The following RTN4RL1 variants were observed in gnomAD, a reference collection of about 807,000 sequenced individuals.
RTN4RL1 encodes the protein reticulon-4 receptor-like 1.
In RTN4RL1, 7 loss-of-function variants were observed where a neutral mutation model predicts 25.6. The observed-to-expected ratio is 0.27, with a 90% CI of 0.16 to 0.51. RTN4RL1 has a LOEUF of 0.51. Among genes scored for constraint, RTN4RL1 ranks in the 20% least tolerant of loss-of-function variants. RTN4RL1 has a pLI of 0.97. For missense variants in RTN4RL1, 500 were observed against 615.6 expected, an observed-to-expected ratio of 0.81 and a Z score of 1.99; for synonymous variants, 297 against 288.2, an observed-to-expected ratio of 1.03 and a Z score of -0.31.
Position 2,000,271 on chromosome 17 carries a change from G to C in RTN4RL1, c.13+24582C>G, listed in dbSNP as rs112945132. On this transcript the variant is annotated intron_variant, in intron 1 of 1. Coordinates refer to ENST00000331238, the MANE Select transcript of RTN4RL1 (RefSeq NM_178568.4). ...AGGATATTGGGTGCCTTGTTAGGAA[G>C]CAGGATGGGGCAGAGGAAGGAATGT... 4.1e-3 allele frequency among the ~76,000 whole-genome samples: 627 copies of C among 152,368 alleles called. 4 individuals are homozygous for C. The highest frequency in any genetic ancestry group is 0.014 in the African/African-American group (595 of 41,590).
chr17:1,986,269 G>A (rs1349790126), intron 1 of RTN4RL1, among the ~76,000 whole-genome samples: 2 of 152,052 alleles, frequency 1.3e-5, no homozygotes, highest in Non-Finnish European at 2.9e-5. Context: ...ATGACCACCC[G>A]ATGAAGTAGG....
At position 1,998,624 on chromosome 17, in the gene RTN4RL1, GCCT is replaced by G. The variant is rs994558440; in HGVS notation, c.13+26226_13+26228del. On this transcript the variant is annotated intron_variant, in intron 1 of 1. Transcript: ENST00000331238. The surrounding 1 kb of genome is among the most constrained non-coding windows in gnomAD (Gnocchi z 4.9). ...AGGGTGGGGGACGTGGGGCCGGCTC[GCCT>G]CCTCCTGGGCTCGCCGGGATGTGGC... Among the ~76,000 whole-genome samples, 4 of 152,042 alleles carry G rather than the reference GCCT, an allele frequency of 2.6e-5. No individual in the cohort carries two copies. The highest frequency in any genetic ancestry group is 4.4e-5 in the Non-Finnish European group (3 of 67,964).
chr17:1,968,358 C>T (rs758084922), intron 1 of RTN4RL1, among the ~76,000 whole-genome samples: 6 of 152,146 alleles, frequency 3.9e-5, no homozygotes, highest in Non-Finnish European at 5.9e-5. Flanking sequence ...CCCCTTGAGT[C>T]GGGTTCACCA....
At chr17:1,985,202 G>T (rs2066882785) in intron 1 of RTN4RL1, among the ~76,000 whole-genome samples, 2 of 152,206 alleles carry the variant, frequency 1.3e-5, no homozygotes, top group Admixed American at 1.3e-4. Context: ...GGGCCTGCTG[G>T]ACTCCACAAG....
At position 1,936,369 on chromosome 17, in the gene RTN4RL1, A is replaced by T. The variant is rs907558752; in HGVS notation, c.*127T>A. On this transcript the variant is annotated 3_prime_UTR_variant, in exon 2 of 2. Transcript: ENST00000331238. Reference sequence around the variant, plus strand: ...CATGGCAGGGTCCAGACGTCCAGACAGCAGCCGAAGGCTCTACCAGCCTTT... The same window carrying T: ...CATGGCAGGGTCCAGACGTCCAGACTGCAGCCGAAGGCTCTACCAGCCTTT... The T allele has an allele frequency of 1.0e-5, 15 of 1,442,654 alleles. No individual in the cohort carries two copies. Among genetic ancestry groups the T allele is most frequent in the African/African-American group, 1.4e-5 (1 of 69,894 alleles). 89.4% of individuals were successfully genotyped at this position (1,442,654 alleles called of 1,614,324 possible).
At chr17:1,966,569 G>A (rs569850090) in intron 1 of RTN4RL1, among the ~76,000 whole-genome samples, 2 of 152,080 alleles carry the variant, frequency 1.3e-5, no homozygotes, top group African/African-American at 4.8e-5. Flanking sequence ...CGTGCTCCTA[G>A]CCTAGGAGAG....
intron 1 of RTN4RL1, among the ~76,000 whole-genome samples, chr17:1,986,704 A>G (rs2066888903): frequency 2.0e-5 from 3 of 151,706 alleles, no homozygotes; most frequent in Admixed American, 2.0e-4. Context: ...GTGAGAGAAT[A>G]AATTTCTCTG....
At chr17:2,022,152 T>C (rs1597262540) in intron 1 of RTN4RL1, among the ~76,000 whole-genome samples, 1 of 151,610 alleles carries the variant, frequency 6.6e-6, no homozygotes. Flanking sequence ...CCATCTCTAC[T>C]AAAAATACAA....
chr17:2,002,977 A>T (rs1260650886), intron 1 of RTN4RL1: 1 of 152,256 alleles, frequency 6.6e-6, no homozygotes, highest in Admixed American at 6.6e-5. Context: ...CTCTCAGGAC[A>T]AACCCTCCAC....
chr17:1,988,403 CA>C (rs398030159), intron 1 of RTN4RL1, among the ~76,000 whole-genome samples: 2,768 of 77,172 alleles, frequency 0.036, 77 homozygotes, highest in African/African-American at 0.13. Flanking sequence ...GACTCCGCCT[CA>C]AAAAAAAAAA....
intron 1 of RTN4RL1, among the ~76,000 whole-genome samples, chr17:1,948,595 G>A (rs988324000): frequency 9.2e-5 from 14 of 152,086 alleles, no homozygotes; most frequent in African/African-American, 1.9e-4. Context: ...ACAGGCGGAC[G>A]GGCAGACACA....
At chr17:2,012,156 A>G (rs1275873439) in intron 1 of RTN4RL1, among the ~76,000 whole-genome samples, 1 of 152,256 alleles carries the variant, frequency 6.6e-6, no homozygotes, top group African/African-American at 2.4e-5. Flanking sequence ...GAGAGTGTCC[A>G]TGAGAGGTTT....
intron 1 of RTN4RL1, among the ~76,000 whole-genome samples, chr17:1,961,417 C>T (rs1295997285): frequency 2.0e-5 from 3 of 152,190 alleles, no homozygotes; most frequent in Non-Finnish European, 4.4e-5. Context: ...CGGTAGGAGT[C>T]ACGTGACGGC....
intron 1 of RTN4RL1, among the ~76,000 whole-genome samples, chr17:1,999,502 G>T (rs1056586264): frequency 2.0e-5 from 3 of 151,658 alleles, no homozygotes; most frequent in Admixed American, 1.3e-4. Context: ...CCCTATCCAC[G>T]TATGTGCACA....
chr17:1,951,581 G>C (rs1915681280), intron 1 of RTN4RL1, among the ~76,000 whole-genome samples: 1 of 152,020 alleles, frequency 6.6e-6, no homozygotes, highest in South Asian at 2.1e-4. Flanking sequence ...CTCCTGAGTA[G>C]CTGGGATTAC....
chr17:1,970,008 GCTCTCTCT>G (rs59886441), intron 1 of RTN4RL1, among the ~76,000 whole-genome samples: 31 of 123,692 alleles, frequency 2.5e-4, no homozygotes, highest in Middle Eastern at 4.2e-3. Flanking sequence ...CAGGATTTCT[GCTCTCTCT>G]CTCTTTTTTT....
At chr17:2,018,589 G>A (rs2151330165) in intron 1 of RTN4RL1, among the ~76,000 whole-genome samples, 2 of 152,352 alleles carry the variant, frequency 1.3e-5, no homozygotes, top group South Asian at 4.1e-4. Context: ...AATCAAGACA[G>A]ATGGGCACGT....
chr17:2,025,009 C>T lies in RTN4RL1; in HGVS notation c.-144G>A, dbSNP rs970290016. Reference sequence around the variant, plus strand: ...GGGGATCCGCTCGTGCCCGGTGGCCCGGCCCCGCAGGGGCATGGTGAGCTC... The same window carrying T: ...GGGGATCCGCTCGTGCCCGGTGGCCTGGCCCCGCAGGGGCATGGTGAGCTC... On this transcript the variant is annotated 5_prime_UTR_variant, in exon 1 of 2. Transcript: ENST00000331238. The surrounding 1 kb of genome is among the most constrained non-coding windows in gnomAD (Gnocchi z 4.8). 1.4e-5 allele frequency: 12 copies of T among 848,592 alleles called. No homozygotes were observed. The highest frequency in any genetic ancestry group is 2.1e-5 in the Non-Finnish European group (12 of 566,190). 52.6% of individuals were successfully genotyped at this position (848,592 alleles called of 1,614,324 possible).
intron 1 of RTN4RL1, among the ~76,000 whole-genome samples, chr17:2,023,916 G>C (rs1346218928): frequency 6.7e-6 from 1 of 150,316 alleles, no homozygotes; most frequent in Non-Finnish European, 1.5e-5. Flanking sequence ...CCTCCTGGCC[G>C]GGCCAGGCGC....
Sources: gnomAD v4.1 joint callset for allele counts (sites outside exome capture counted in the v4.1 genomes callset) on GRCh38, gnomAD v4.1.1 for gene constraint, Gnocchi (gnomAD v3.1) non-coding constraint, MANE v1.5 for transcripts, NCBI Gene and HGNC (gene_info 2026-07-23, HGNC 2026-07-21) for gene names.